NCK2: variants seen among roughly 807,000 people sequenced by gnomAD.
NCK2 encodes the protein NCK adaptor protein 2.
Under a neutral mutation model 33.9 loss-of-function variants are expected in NCK2, and 16 were observed. The ratio of observed to expected loss-of-function variants is 0.47; its 90% CI spans 0.32 to 0.72. The LOEUF (loss-of-function observed/expected upper bound fraction) is 0.72, where lower values mean the gene tolerates loss of function less well. NCK2 is among the 30% of genes least tolerant of loss of function. The pLI is 0.03. For missense variants in NCK2, 418 were observed against 537.3 expected (o/e 0.78, Z 2.19); for synonymous variants, 273 against 239.9 (o/e 1.14, Z -1.27).
At chr2:105,855,005 C>T (rs1295077539) in intron 2 of NCK2, 43 bp from the exon 3 acceptor site, 97 of 1,459,958 alleles carry the variant, frequency 6.6e-5, no homozygotes, top group Admixed American at 1.0e-4. Flanking sequence ...ATGAAGTGTC[C>T]GGGTAGTTCT....
intron 1 of NCK2, among the ~76,000 whole-genome samples, chr2:105,770,564 G>T (rs1690101010): frequency 6.6e-6 from 1 of 152,146 alleles, no homozygotes; most frequent in Non-Finnish European, 1.5e-5. Flanking sequence ...TAGAATATCT[G>T]TCATTTTTAG....
chr2:105,878,087 G>T lies in NCK2; in HGVS notation c.227-3241G>T, dbSNP rs558235286. On this transcript the variant is annotated intron_variant, in intron 3 of 4. Transcript: ENST00000233154. ...GGCAGGCAGGCTTTCTATTTTGATG[G>T]CCATCCAACACTGGTAGGATCATGG... is the stretch of plus-strand genomic sequence containing the variant. Among the ~76,000 whole-genome samples, 13 of 152,308 alleles carry T rather than the reference G, an allele frequency of 8.5e-5. No homozygotes were observed. In the South Asian group the frequency reaches 2.7e-3, roughly 32 times the overall value.
chr2:105,805,294 G>C (rs952921781), intron 1 of NCK2, among the ~76,000 whole-genome samples: 3 of 152,182 alleles, frequency 2.0e-5, no homozygotes, highest in Non-Finnish European at 4.4e-5. Context: ...AGGGCAAAGA[G>C]TTATGAAAGG....
chr2:105,763,218 G>GC (rs1240604590), intron 1 of NCK2, among the ~76,000 whole-genome samples: 1 of 152,058 alleles, frequency 6.6e-6, no homozygotes, highest in Non-Finnish European at 1.5e-5. Flanking sequence ...CAAAACAAAA[G>GC]CACCCTGAGG....
At chr2:105,770,392 G>C (rs1348993638) in intron 1 of NCK2, among the ~76,000 whole-genome samples, 1 of 152,178 alleles carries the variant, frequency 6.6e-6, no homozygotes, top group East Asian at 1.9e-4. Flanking sequence ...ATCTGGCTTT[G>C]ATCTTTTGAG....
chr2:105,893,680 C>T lies in NCK2; in HGVS notation c.*504C>T, dbSNP rs183409858. Reference sequence around the variant, plus strand: ...TTTGCTGATAGCAATACTGGAACCACCGGGTGCGATGGCAGTGAGGAGACT... The same window carrying T: ...TTTGCTGATAGCAATACTGGAACCATCGGGTGCGATGGCAGTGAGGAGACT... On this transcript the variant is annotated 3_prime_UTR_variant, in exon 5 of 5. Coordinates refer to ENST00000233154, the MANE Select transcript of NCK2 (RefSeq NM_003581.5). 2 of 153,386 alleles carry T rather than the reference C, an allele frequency of 1.3e-5. No individual in the cohort carries two copies. The highest frequency in any genetic ancestry group is 3.9e-4 in the East Asian group (2 of 5,182). 9.5% of individuals were successfully genotyped at this position (153,386 alleles called of 1,614,324 possible).
chr2:105,774,923 G>A (rs754062590), intron 1 of NCK2, among the ~76,000 whole-genome samples: 2 of 150,430 alleles, frequency 1.3e-5, no homozygotes, highest in Non-Finnish European at 3.0e-5. Context: ...TCCAGGCACC[G>A]GTGGCTTATG....
rs1404246915 is a variant in NCK2 at position 105,813,130 on chromosome 2, G to A, written c.-200-3300G>A. ...CTGGTTGTGAGACATCTGGTCATTT[G>A]GTTCCTGGGCTGAATGATAAGATGT... On this transcript the variant is annotated intron_variant, in intron 1 of 4. Transcript: ENST00000233154. 2.0e-5 allele frequency among the ~76,000 whole-genome samples: 3 copies of A among 152,188 alleles called. No homozygotes were observed. The East Asian group carries it at 5.8e-4, about 29-fold the overall frequency.
intron 3 of NCK2, among the ~76,000 whole-genome samples, chr2:105,859,480 G>A (rs1377715644): frequency 6.6e-6 from 1 of 152,180 alleles, no homozygotes; most frequent in Admixed American, 6.5e-5. Flanking sequence ...TAGGCCTAGC[G>A]TGGTTAGAAA....
chr2:105,766,319 T>C (rs1689948267), intron 1 of NCK2, among the ~76,000 whole-genome samples: 1 of 151,982 alleles, frequency 6.6e-6, no homozygotes, highest in Non-Finnish European at 1.5e-5. Flanking sequence ...CTCTTTTAGG[T>C]TTTCTTTTTC....
chr2:105,814,959 C>A (rs951062743), intron 1 of NCK2, among the ~76,000 whole-genome samples: 1 of 152,216 alleles, frequency 6.6e-6, no homozygotes, highest in Non-Finnish European at 1.5e-5. Flanking sequence ...GAAAATGACA[C>A]ATACAGAGGT....
chr2:105,748,830 GAAT>G (rs770467338), intron 1 of NCK2, among the ~76,000 whole-genome samples: 45 of 152,120 alleles, frequency 3.0e-4, no homozygotes, highest in Non-Finnish European at 5.7e-4. Flanking sequence ...TTGAATATGT[GAAT>G]AATGAGTGCC....
At chr2:105,744,745 C>A (rs1296528341), upstream of NCK2, among the ~76,000 whole-genome samples, 2 of 150,106 alleles carry the variant, frequency 1.3e-5, no homozygotes, top group South Asian at 2.1e-4. Context: ...GGTCTCGGGT[C>A]CCCGCCCCGC....
intron 2 of NCK2, among the ~76,000 whole-genome samples, chr2:105,852,680 T>C (rs937671354): frequency 6.6e-6 from 1 of 152,226 alleles, no homozygotes; most frequent in African/African-American, 2.4e-5. Context: ...AAATGTGGTA[T>C]TCAGATGGAA....
At chr2:105,841,764 G>C (rs541219986) in intron 2 of NCK2, among the ~76,000 whole-genome samples, 1 of 152,204 alleles carries the variant, frequency 6.6e-6, no homozygotes. Flanking sequence ...TACATTTGAG[G>C]CTAAGCCAGG....
At chr2:105,803,931 G>A (rs1162850437) in intron 1 of NCK2, among the ~76,000 whole-genome samples, 1 of 152,188 alleles carries the variant, frequency 6.6e-6, no homozygotes, top group Non-Finnish European at 1.5e-5. Flanking sequence ...GCTGTTGCAT[G>A]AAAGCTGAGG....
At chr2:105,758,454 A>G (rs1307635197) in intron 1 of NCK2, among the ~76,000 whole-genome samples, 5 of 139,930 alleles carry the variant, frequency 3.6e-5, no homozygotes, top group Non-Finnish European at 6.1e-5. Flanking sequence ...TCTGTCACCC[A>G]TGCTGGAGTG....
At chr2:105,835,425 T>TA (rs1175205835) in intron 2 of NCK2, among the ~76,000 whole-genome samples, 165 of 10,964 alleles carry the variant, frequency 0.015, 11 homozygotes, top group Middle Eastern at 0.083. Flanking sequence ...ATATATATAT[T>TA]TTTTTTTTGG....
At chr2:105,892,887 G>T in intron 4 of NCK2, 95 bp from the exon 5 acceptor site, 1 of 1,008,442 alleles carries the variant, frequency 9.9e-7, no homozygotes, top group Non-Finnish European at 1.4e-6. Flanking sequence ...TTGAGCAATG[G>T]GTGGTTTGGA....
Sources: allele counts gnomAD v4.1 joint callset (sites outside exome capture counted in the v4.1 genomes callset), GRCh38; gene constraint gnomAD v4.1.1; transcripts MANE v1.5; gene names NCBI Gene and HGNC (gene_info 2026-07-23, HGNC 2026-07-21).